LIN52: variants seen among roughly 807,000 people sequenced by gnomAD.
LIN52 encodes the protein protein lin-52 homolog.
Under a neutral mutation model 18.5 loss-of-function variants are expected in LIN52, and 4 were observed. The ratio of observed to expected loss-of-function variants is 0.22; its 90% CI spans 0.11 to 0.49. The LOEUF is 0.49. LIN52 is among the 20% of genes least tolerant of loss of function. The pLI is 0.97. For synonymous variants in LIN52, 34 were observed against 45.5 expected, an observed-to-expected ratio of 0.75 and a Z score of 1.02; for missense variants, 102 against 139.5, an observed-to-expected ratio of 0.73 and a Z score of 1.35.
At chr14:74,102,875 C>T (rs1303461190) in intron 5 of LIN52, among the ~76,000 whole-genome samples, 2 of 152,040 alleles carry the variant, frequency 1.3e-5, no homozygotes, top group Non-Finnish European at 2.9e-5. Flanking sequence ...TTTTTTCCTG[C>T]TTTTTATTAT....
chr14:74,189,754 G>A (rs2061355560), intron 5 of LIN52, among the ~76,000 whole-genome samples: 1 of 152,032 alleles, frequency 6.6e-6, no homozygotes, highest in Admixed American at 6.5e-5. Flanking sequence ...TTATGTTCCT[G>A]CTTGATGTTT....
In LIN52 at chr14:74,093,865, G is replaced by A. The variant is rs540768814; in HGVS notation, c.95-2083G>A. Among the ~76,000 whole-genome samples, 184 of 152,204 alleles carry A rather than the reference G, an allele frequency of 1.2e-3. 1 individual carries two copies. Among genetic ancestry groups the A allele is most frequent in the Middle Eastern group, 3.4e-3 (1 of 294 alleles). The stretch of plus-strand genomic sequence containing the variant: ...GCCTGTAATCCCAGCTACTTGGGAG[G>A]CTGAGGCAGGAGAATCGCTTGAACC... On this transcript the variant is annotated intron_variant, in intron 2 of 5. Transcript: ENST00000555028.
At chr14:74,125,993 C>A (rs2061027824) in intron 5 of LIN52, among the ~76,000 whole-genome samples, 1 of 148,578 alleles carries the variant, frequency 6.7e-6, no homozygotes, top group Non-Finnish European at 1.5e-5. Flanking sequence ...ACATATGTAA[C>A]TAACCTGCAC....
At chr14:74,178,511 G>T (rs1326522835) in intron 5 of LIN52, among the ~76,000 whole-genome samples, 1 of 151,014 alleles carries the variant, frequency 6.6e-6, no homozygotes, top group Admixed American at 6.6e-5. Context: ...AGGCTGGAGT[G>T]CAGTGGTGCG....
At chr14:74,175,742 A>ACACACACG (rs1555384660) in intron 5 of LIN52, among the ~76,000 whole-genome samples, 2 of 141,330 alleles carry the variant, frequency 1.4e-5, no homozygotes, top group African/African-American at 5.9e-5. Flanking sequence ...ACACACACAC[A>ACACACACG]CACACACACC....
Position 74,153,620 on chromosome 14 carries a change from C to T in LIN52, c.284-45302C>T, listed in dbSNP as rs1057167651. On this transcript the variant is annotated intron_variant, in intron 5 of 5. Coordinates refer to ENST00000555028, the MANE Select transcript of LIN52 (RefSeq NM_001024674.3). ...AGTACAGTGGCGCAATCTTGGCTCA[C>T]TGCAACCTACACCCCTCAGGTTCAA... Among the ~76,000 whole-genome samples, 4 of 151,632 alleles carry T rather than the reference C, an allele frequency of 2.6e-5. 1 individual carries two copies. The highest frequency in any genetic ancestry group is 5.9e-5 in the Non-Finnish European group (4 of 67,984).
chr14:74,192,189 A>G (rs2078881471), intron 5 of LIN52, among the ~76,000 whole-genome samples: 1 of 92,176 alleles, frequency 1.1e-5, no homozygotes, highest in Non-Finnish European at 2.5e-5. Flanking sequence ...TACCTCCTGT[A>G]AAGCAGCAGC....
chr14:74,171,171 C>T (rs890182616), intron 5 of LIN52, among the ~76,000 whole-genome samples: 1 of 151,774 alleles, frequency 6.6e-6, no homozygotes, highest in Non-Finnish European at 1.5e-5. Flanking sequence ...ATCACTTGAG[C>T]CCAGGAGACC....
chr14:74,166,046 C>T (rs529713047), intron 5 of LIN52, among the ~76,000 whole-genome samples: 2 of 151,602 alleles, frequency 1.3e-5, no homozygotes, highest in African/African-American at 4.8e-5. Context: ...CATGCGCCAC[C>T]ATTCCCGGCT....
intron 5 of LIN52, among the ~76,000 whole-genome samples, chr14:74,158,263 G>A (rs937709893): frequency 4.0e-5 from 6 of 151,100 alleles, no homozygotes; most frequent in Admixed American, 2.0e-4. Flanking sequence ...ACAGGTGCGC[G>A]TCACATGCCC....
At chr14:74,166,080 G>A (rs1047389646) in intron 5 of LIN52, among the ~76,000 whole-genome samples, 5 of 151,226 alleles carry the variant, frequency 3.3e-5, no homozygotes, top group African/African-American at 1.2e-4. Context: ...TACTGGAGAC[G>A]GGGTTTCTCC....
intron 5 of LIN52, among the ~76,000 whole-genome samples, chr14:74,161,710 C>T (rs1013969976): frequency 2.0e-5 from 3 of 152,182 alleles, no homozygotes; most frequent in Non-Finnish European, 4.4e-5. Flanking sequence ...GGTGCATTGC[C>T]GGAGCAGCCC....
chr14:74,126,792 A>G lies in LIN52; in HGVS notation c.283+25554A>G, dbSNP rs1464356545. 4.6e-5 allele frequency among the ~76,000 whole-genome samples: 7 copies of G among 152,314 alleles called. No individual in the cohort carries two copies. In the East Asian group the frequency reaches 9.6e-4, roughly 21 times the overall value. Reference sequence around the variant, plus strand: ...TGGGATTTTTGTGGGGAAGGTGAAAATGTTTTGGAACTTGATACAAGTGGT... The same window carrying G: ...TGGGATTTTTGTGGGGAAGGTGAAAGTGTTTTGGAACTTGATACAAGTGGT... On this transcript the variant is annotated intron_variant, in intron 5 of 5. Transcript: ENST00000555028.
chr14:74,124,945 G>A (rs2061020487), intron 5 of LIN52, among the ~76,000 whole-genome samples: 1 of 151,050 alleles, frequency 6.6e-6, no homozygotes, highest in African/African-American at 2.4e-5. Context: ...AAAAACTTTT[G>A]TGTGTCCAAG....
intron 5 of LIN52, among the ~76,000 whole-genome samples, chr14:74,191,261 C>T (rs2078874550): frequency 6.6e-6 from 1 of 152,222 alleles, no homozygotes; most frequent in Non-Finnish European, 1.5e-5. Flanking sequence ...ATCTCAAAGG[C>T]AGCATTGCCT....
At chr14:74,138,231 C>A (rs1334332409) in intron 5 of LIN52, among the ~76,000 whole-genome samples, 2 of 152,086 alleles carry the variant, frequency 1.3e-5, no homozygotes, top group African/African-American at 4.8e-5. Flanking sequence ...GGTAAATAAT[C>A]CAGGGAACAC....
intron 4 of LIN52, among the ~76,000 whole-genome samples, chr14:74,098,576 T>C (rs2060831452): frequency 6.8e-6 from 1 of 147,538 alleles, no homozygotes; most frequent in African/African-American, 2.5e-5. Context: ...AGACGGAGTC[T>C]CGCTTTTGTT....
chr14:74,153,330 C>T (rs943910877), intron 5 of LIN52, among the ~76,000 whole-genome samples: 6 of 152,088 alleles, frequency 3.9e-5, no homozygotes, highest in Non-Finnish European at 8.8e-5. Flanking sequence ...TGTGTGTATG[C>T]TTTATGGCGG....
At chr14:74,115,543 C>A (rs902431250) in intron 5 of LIN52, among the ~76,000 whole-genome samples, 2 of 152,162 alleles carry the variant, frequency 1.3e-5, no homozygotes, top group African/African-American at 4.8e-5. Flanking sequence ...TTATGCATTA[C>A]TTTACCATCT....
Sources: gnomAD v4.1 joint callset for allele counts (sites outside exome capture counted in the v4.1 genomes callset) on GRCh38, gnomAD v4.1.1 for gene constraint, MANE v1.5 for transcripts, NCBI Gene and HGNC (gene_info 2026-07-23, HGNC 2026-07-21) for gene names.